Variants in CDKN2B-AS1 observed in about 807,000 individuals in gnomAD.
The protein encoded by CDKN2B-AS1 is CDKN2B antisense RNA 1 (non-protein coding).
chr9:22,106,534 A>G (rs964089647), intron 4 of CDKN2B-AS1, among the ~76,000 whole-genome samples: 2 of 152,170 alleles, frequency 1.3e-5, no homozygotes, highest in African/African-American at 4.8e-5. Context: ...TCTGACTCTT[A>G]ATTCTCAGCT....
rs557595384 is a variant in CDKN2B-AS1, at chr9:22,001,738, A to C, written n.29+6577A>C. Among the ~76,000 whole-genome samples, 1 of 152,262 alleles carries C rather than the reference A, an allele frequency of 6.6e-6. No homozygotes were observed. Among genetic ancestry groups the C allele is most frequent in the East Asian group, 1.9e-4 (1 of 5,192 alleles). On this transcript the variant is annotated intron_variant and non_coding_transcript_variant, in intron 1 of 4. Transcript: ENST00000650946. This position sits in a 1 kb window ranked among gnomAD's most constrained non-coding sequence, Gnocchi z 4.2. ...TGAGTAGGGAATTTAAGAGGCAAGA[A>C]AGGAGTAATTTCATTTGGATAGCTG...
chr9:22,063,959 T>C (rs1413340942), intron 4 of CDKN2B-AS1: 5 of 152,208 alleles, frequency 3.3e-5, no homozygotes, highest in Non-Finnish European at 5.9e-5. Context: ...GGAGGCTTTT[T>C]ATTTTGCCAC....
At chr9:22,056,968 G>C (rs911574755) in intron 4 of CDKN2B-AS1, among the ~76,000 whole-genome samples, 1 of 151,974 alleles carries the variant, frequency 6.6e-6, no homozygotes, top group Non-Finnish European at 1.5e-5. Context: ...TCACCTAGTA[G>C]CTTAGTCCTC....
At position 22,006,252 on chromosome 9, in the gene CDKN2B-AS1, C is replaced by G. The variant is rs768407545; in HGVS notation, n.29+11091C>G. The stretch of plus-strand genomic sequence containing the variant: ...GGCGCTGCCCATCATCATGACCTGC[C>G]AGAGAGAGCAGAGTGGTCAGAGCCA... On this transcript the variant is annotated intron_variant and non_coding_transcript_variant, in intron 1 of 4. Transcript: ENST00000650946. The surrounding 1 kb of genome is among the most constrained non-coding windows in gnomAD (Gnocchi z 6.4). 1 of 1,603,402 alleles carries G rather than the reference C, an allele frequency of 6.2e-7. No individual in the cohort carries two copies. Among genetic ancestry groups the G allele is most frequent in the Admixed American group, 1.7e-5 (1 of 60,020 alleles).
Position 22,050,990 on chromosome 9 carries a change from A to G in CDKN2B-AS1, n.302+1762A>G, listed in dbSNP as rs372122652. On this transcript the variant is annotated intron_variant and non_coding_transcript_variant, in intron 3 of 4. Transcript: ENST00000650946. ...CTGTGGTTCCATGGTGTTTGAAATC[A>G]GAATGTAATATTGAGTTAATGACAC... is the stretch of plus-strand genomic sequence containing the variant. 5.4e-4 allele frequency among the ~76,000 whole-genome samples: 82 copies of G among 152,304 alleles called. 1 individual carries two copies. The highest frequency in any genetic ancestry group is 1.5e-3 in the African/African-American group (64 of 41,556).
chr9:22,088,833 C>A (rs113903943), intron 4 of CDKN2B-AS1, among the ~76,000 whole-genome samples: 370 of 152,214 alleles, frequency 2.4e-3, no homozygotes, highest in African/African-American at 7.8e-3. Flanking sequence ...AAAAATTATT[C>A]CTGGGTAAGC....
chr9:22,024,119 C>G (rs2131229482), intron 1 of CDKN2B-AS1, among the ~76,000 whole-genome samples: 2 of 152,210 alleles, frequency 1.3e-5, no homozygotes, highest in South Asian at 4.2e-4. Context: ...ATTATTTTTT[C>G]TTTTATCCTA....
intron 1 of CDKN2B-AS1, among the ~76,000 whole-genome samples, chr9:22,028,835 C>A (rs1822346763): frequency 6.6e-6 from 1 of 152,128 alleles, no homozygotes; most frequent in African/African-American, 2.4e-5. Context: ...GATATCCACT[C>A]CTTTCCTTGG....
intron 1 of CDKN2B-AS1, among the ~76,000 whole-genome samples, chr9:21,998,681 T>C (rs1021809008): frequency 6.6e-6 from 1 of 152,196 alleles, no homozygotes; most frequent in African/African-American, 2.4e-5. Flanking sequence ...AGCAAATTCA[T>C]TCCATAGGCA....
intron 1 of CDKN2B-AS1, among the ~76,000 whole-genome samples, chr9:22,041,269 G>A (rs955289016): frequency 8.6e-5 from 13 of 152,022 alleles, no homozygotes; most frequent in African/African-American, 3.1e-4. Context: ...TGCTACAGAT[G>A]TACCTGAACC....
At chr9:22,093,987 T>A (rs1825186853) in intron 4 of CDKN2B-AS1, among the ~76,000 whole-genome samples, 1 of 144,782 alleles carries the variant, frequency 6.9e-6, no homozygotes, top group Non-Finnish European at 1.5e-5. Context: ...AGTGCTTTCT[T>A]CAGGAACTCT....
At chr9:22,083,518 A>G (rs569672979) in intron 4 of CDKN2B-AS1, among the ~76,000 whole-genome samples, 1 of 152,170 alleles carries the variant, frequency 6.6e-6, no homozygotes, top group Admixed American at 6.5e-5. Context: ...TTTTGTTTTT[A>G]TTTTTGAATG....
chr9:22,080,294 G>C (rs893031304), intron 4 of CDKN2B-AS1, among the ~76,000 whole-genome samples: 3 of 152,184 alleles, frequency 2.0e-5, no homozygotes, highest in Non-Finnish European at 4.4e-5. Flanking sequence ...AAGTATTTTG[G>C]AACAGAAACT....
intron 1 of CDKN2B-AS1, among the ~76,000 whole-genome samples, chr9:22,038,736 G>T (rs1181051936): frequency 6.6e-6 from 1 of 151,976 alleles, no homozygotes; most frequent in African/African-American, 2.4e-5. Context: ...CAATGCTGAT[G>T]CATTTTTAAT....
chr9:22,005,630 T>G lies in CDKN2B-AS1; in HGVS notation n.29+10469T>G, dbSNP rs1484304903. 1 of 454,890 alleles carries G rather than the reference T, an allele frequency of 2.2e-6. No individual in the cohort carries two copies. The highest frequency in any genetic ancestry group is 1.9e-5 in the African/African-American group (1 of 51,524). 28.2% of individuals were successfully genotyped at this position (454,890 alleles called of 1,614,324 possible). A position where few individuals can be genotyped will look rare whatever the true frequency, so the allele number is the denominator to read the frequency against. On this transcript the variant is annotated intron_variant and non_coding_transcript_variant, in intron 1 of 4. Coordinates refer to ENST00000650946, the Ensembl canonical transcript of CDKN2B-AS1. The surrounding 1 kb of genome is among the most constrained non-coding windows in gnomAD (Gnocchi z 4.9). ...CCCACTCAGCGCTGGAGTGGGAGAT[T>G]CATCCATCGGAAGATTCGTAGCCAC...
At chr9:22,077,243 C>A in intron 4 of CDKN2B-AS1, among the ~76,000 whole-genome samples, 1 of 151,898 alleles carries the variant, frequency 6.6e-6, no homozygotes, top group East Asian at 1.9e-4. Context: ...AAATAATATA[C>A]TTCATTTAAC....
intron 4 of CDKN2B-AS1, among the ~76,000 whole-genome samples, chr9:22,095,698 T>A (rs1453861703): frequency 1.4e-5 from 2 of 146,900 alleles, no homozygotes; most frequent in Non-Finnish European, 3.0e-5. Flanking sequence ...TGTTAAAGTG[T>A]CCTATTATTA....
intron 1 of CDKN2B-AS1, among the ~76,000 whole-genome samples, chr9:22,020,591 A>G (rs1259574743): frequency 2.0e-5 from 3 of 152,146 alleles, no homozygotes; most frequent in Non-Finnish European, 4.4e-5. Context: ...GTGAGATAGT[A>G]TCTCATTGTG....
chr9:21,998,432 C>T (rs1024188632), intron 1 of CDKN2B-AS1, among the ~76,000 whole-genome samples: 1 of 152,200 alleles, frequency 6.6e-6, no homozygotes, highest in Non-Finnish European at 1.5e-5. Flanking sequence ...AAATCTTGAA[C>T]ACTTCATGGC....
Sources: allele counts gnomAD v4.1 joint callset (sites outside exome capture counted in the v4.1 genomes callset), GRCh38; gene constraint gnomAD v4.1.1; non-coding constraint Gnocchi (gnomAD v3.1); transcripts MANE v1.5; gene names NCBI Gene and HGNC (gene_info 2026-07-23, HGNC 2026-07-21).